The following BICC1 variants were observed in gnomAD, a reference collection of about 807,000 sequenced individuals.
BICC1 encodes the protein BicC family RNA binding protein 1.
BICC1 carries 43 observed loss-of-function variants against 111.0 expected under a neutral mutation model. The observed-to-expected ratio is 0.39, with a 90% CI of 0.30 to 0.50. The LOEUF is 0.50. Ranked by LOEUF, BICC1 falls within the 20% of genes least tolerant of loss-of-function variation. BICC1 has a pLI of 0.88. For missense variants in BICC1, 1,091 were observed against 1,203.2 expected, an observed-to-expected ratio of 0.91 and a Z score of 1.38; for synonymous variants, 467 against 434.4, an observed-to-expected ratio of 1.07 and a Z score of -0.93.
At chr10:58,815,862 T>C (rs1305398949) in intron 18 of BICC1, among the ~76,000 whole-genome samples, 1 of 152,184 alleles carries the variant, frequency 6.6e-6, no homozygotes, top group Non-Finnish European at 1.5e-5. Flanking sequence ...GGAGATAGCT[T>C]ACATTCTTTC....
intron 19 of BICC1, among the ~76,000 whole-genome samples, chr10:58,819,095 T>C (rs1844180705): frequency 6.6e-6 from 1 of 152,188 alleles, no homozygotes; most frequent in Non-Finnish European, 1.5e-5. Flanking sequence ...TAAAGTTTTA[T>C]TGGAACACAG....
chr10:58,712,501 A>G (rs1840606688), intron 3 of BICC1, among the ~76,000 whole-genome samples: 1 of 152,154 alleles, frequency 6.6e-6, no homozygotes, highest in Non-Finnish European at 1.5e-5. Context: ...CGTTGACACA[A>G]TGAAATATTA....
chr10:58,635,471 G>A (rs1202945567), intron 2 of BICC1, among the ~76,000 whole-genome samples: 1 of 152,212 alleles, frequency 6.6e-6, no homozygotes, highest in African/African-American at 2.4e-5. Context: ...AGGAATGGAT[G>A]TGATGTAGCT....
intron 2 of BICC1, among the ~76,000 whole-genome samples, chr10:58,642,783 C>T (rs1838162243): frequency 6.6e-6 from 1 of 152,004 alleles, no homozygotes; most frequent in Non-Finnish European, 1.5e-5. Context: ...CGGCTTACTG[C>T]AGTCTTGACC....
chr10:58,571,450 C>T (rs1457170331), intron 1 of BICC1, among the ~76,000 whole-genome samples: 1 of 152,000 alleles, frequency 6.6e-6, no homozygotes, highest in Admixed American at 6.6e-5. Flanking sequence ...GTATTAATCC[C>T]AGCATCCACT....
At chr10:58,523,456 A>T (rs1030268443) in intron 1 of BICC1, among the ~76,000 whole-genome samples, 5 of 152,246 alleles carry the variant, frequency 3.3e-5, no homozygotes, top group Non-Finnish European at 7.3e-5. Context: ...CAAAAACCAT[A>T]TGATTATCTC....
intron 1 of BICC1, among the ~76,000 whole-genome samples, chr10:58,533,712 G>GATT (rs1842743377): frequency 6.6e-6 from 1 of 151,720 alleles, no homozygotes; most frequent in Admixed American, 6.6e-5. Context: ...GAAACAAAGG[G>GATT]ATACTAAACA....
At chr10:58,683,642 A>G (rs965855543) in intron 2 of BICC1, among the ~76,000 whole-genome samples, 4 of 152,172 alleles carry the variant, frequency 2.6e-5, no homozygotes, top group South Asian at 2.1e-4. Flanking sequence ...CTTTGAAGCA[A>G]TTGTGAATAG....
chr10:58,554,598 A>G (rs1036952013), intron 1 of BICC1, among the ~76,000 whole-genome samples: 2 of 152,082 alleles, frequency 1.3e-5, no homozygotes, highest in African/African-American at 4.8e-5. Flanking sequence ...GAAAGTATAA[A>G]GAAGGTGCAA....
At chr10:58,624,992 T>C (rs538538590) in intron 2 of BICC1, among the ~76,000 whole-genome samples, 1 of 152,366 alleles carries the variant, frequency 6.6e-6, no homozygotes, top group South Asian at 2.1e-4. Flanking sequence ...ATTCCCTGTT[T>C]GATGGGATTA....
chr10:58,535,861 C>T (rs1198898346), intron 1 of BICC1, among the ~76,000 whole-genome samples: 4 of 150,806 alleles, frequency 2.7e-5, no homozygotes, highest in East Asian at 2.0e-4. Flanking sequence ...CTTATAGACC[C>T]AAGGGAAAAG....
intron 2 of BICC1, among the ~76,000 whole-genome samples, chr10:58,686,340 G>A (rs1839725730): frequency 6.6e-6 from 1 of 152,144 alleles, no homozygotes; most frequent in African/African-American, 2.4e-5. Context: ...ACAATTATGT[G>A]TCTTGGAGTT....
intron 3 of BICC1, among the ~76,000 whole-genome samples, chr10:58,720,724 A>G (rs1840913192): frequency 6.6e-6 from 1 of 152,198 alleles, no homozygotes; most frequent in South Asian, 2.1e-4. Flanking sequence ...GAACTCATCT[A>G]CAGACAGTGA....
intron 4 of BICC1, among the ~76,000 whole-genome samples, chr10:58,786,296 A>C (rs1564612606): frequency 6.6e-6 from 1 of 152,146 alleles, no homozygotes; most frequent in Non-Finnish European, 1.5e-5. Context: ...TTTTGCTTTA[A>C]TATAACTAAT....
chr10:58,656,693 A>G (rs1838664297), intron 2 of BICC1, among the ~76,000 whole-genome samples: 1 of 152,220 alleles, frequency 6.6e-6, no homozygotes. Flanking sequence ...TGACCTCAGT[A>G]AAAAATATCA....
chr10:58,718,775 CGT>C (rs1333729300), intron 3 of BICC1, among the ~76,000 whole-genome samples: 72 of 91,900 alleles, frequency 7.8e-4, no homozygotes, highest in African/African-American at 3.8e-3. Context: ...TGCGCGCGCG[CGT>C]GCGCGCGTGC....
intron 2 of BICC1, among the ~76,000 whole-genome samples, chr10:58,686,606 T>G (rs56149680): frequency 6.6e-6 from 1 of 152,012 alleles, no homozygotes; most frequent in African/African-American, 2.4e-5. Flanking sequence ...TCTTACTTCA[T>G]TTCATTCATT....
chr10:58,581,254 C>G (rs1487169963), intron 1 of BICC1, among the ~76,000 whole-genome samples: 1 of 151,924 alleles, frequency 6.6e-6, no homozygotes, highest in Non-Finnish European at 1.5e-5. Context: ...AATAGTAGTG[C>G]TTTGCTAAAT....
At chr10:58,640,486 G>C (rs1205668152) in intron 2 of BICC1, among the ~76,000 whole-genome samples, 1 of 152,192 alleles carries the variant, frequency 6.6e-6, no homozygotes, top group African/African-American at 2.4e-5. Flanking sequence ...ATTATGGACT[G>C]CCCTTCTTCC....
Sources: gnomAD v4.1 joint callset for allele counts (sites outside exome capture counted in the v4.1 genomes callset) on GRCh38, gnomAD v4.1.1 for gene constraint, MANE v1.5 for transcripts, NCBI Gene and HGNC (gene_info 2026-07-23, HGNC 2026-07-21) for gene names.